The following GLIS3 variants were observed in gnomAD, a reference collection of about 807,000 sequenced individuals.
GLIS3 encodes GLIS family zinc finger 3.
In GLIS3, 53 loss-of-function variants were observed where a neutral mutation model predicts 78.6. The ratio of observed to expected loss-of-function variants is 0.67; its 90% CI spans 0.54 to 0.85. The LOEUF is 0.85. Among genes scored for constraint, GLIS3 ranks in the 40% least tolerant of loss-of-function variants. GLIS3 has a pLI of 0.00. For synonymous variants in GLIS3, 684 were observed against 509.9 expected (o/e 1.34, Z -4.60); for missense variants, 1,703 against 1,231.1 (o/e 1.38, Z -5.74).
intron 2 of GLIS3, among the ~76,000 whole-genome samples, chr9:4,253,303 AC>A (rs1824574366): frequency 6.6e-6 from 1 of 152,162 alleles, no homozygotes; most frequent in African/African-American, 2.4e-5. Flanking sequence ...CTTTAGAGAT[AC>A]CCAGAGAGGG....
chr9:4,235,149 A>T, intron 2 of GLIS3, among the ~76,000 whole-genome samples: 1 of 152,060 alleles, frequency 6.6e-6, no homozygotes, highest in East Asian at 1.9e-4. Context: ...ATTTAAAAAA[A>T]ATCGCTGGGC....
At chr9:4,009,255 C>T (rs993786739) in intron 4 of GLIS3, among the ~76,000 whole-genome samples, 2 of 152,132 alleles carry the variant, frequency 1.3e-5, no homozygotes, top group Non-Finnish European at 2.9e-5. Flanking sequence ...TCGCACAGCC[C>T]GTGTGCAAAG....
At chr9:4,286,751 C>T (rs143204443) in intron 1 of GLIS3, among the ~76,000 whole-genome samples, 7 of 152,306 alleles carry the variant, frequency 4.6e-5, no homozygotes, top group African/African-American at 1.7e-4. Flanking sequence ...TTGTTTGCCA[C>T]TGAGCCCTTC....
intron 2 of GLIS3, among the ~76,000 whole-genome samples, chr9:4,264,265 T>C (rs771400708): frequency 7.9e-5 from 12 of 152,152 alleles, no homozygotes; most frequent in South Asian, 2.1e-4. Context: ...GCAAGTCCCA[T>C]TGGCTCTACC....
At chr9:4,209,524 C>T (rs773532643) in intron 2 of GLIS3, among the ~76,000 whole-genome samples, 20 of 152,176 alleles carry the variant, frequency 1.3e-4, no homozygotes, top group Non-Finnish European at 2.4e-4. Context: ...ACTTCACCAG[C>T]AACAAGTCTG....
At chr9:3,993,674 A>G (rs1355775685) in intron 4 of GLIS3, among the ~76,000 whole-genome samples, 1 of 152,208 alleles carries the variant, frequency 6.6e-6, no homozygotes, top group Non-Finnish European at 1.5e-5. Context: ...ACATTCATTT[A>G]AACATTCTAT....
chr9:4,265,706 G>A (rs1296114948), intron 2 of GLIS3, among the ~76,000 whole-genome samples: 1 of 152,156 alleles, frequency 6.6e-6, no homozygotes, highest in Non-Finnish European at 1.5e-5. Flanking sequence ...TGCACACAGA[G>A]ACCAAGTGTC....
In GLIS3 at chr9:4,175,737, A is replaced by G. The variant is rs190587855; in HGVS notation, c.389-49796T>C. ...CCACCATAACGCTGGGAGAAGGCCC[A>G]GAGGAAGTGAAGCAATGTAACAAAC... On this transcript the variant is annotated intron_variant, in intron 2 of 10. Transcript: ENST00000381971. 9.2e-5 allele frequency among the ~76,000 whole-genome samples: 14 copies of G among 152,326 alleles called. No individual in the cohort carries two copies. In the East Asian group the frequency reaches 2.5e-3, roughly 27 times the overall value.
At chr9:4,222,515 T>C (rs1178263971) in intron 2 of GLIS3, among the ~76,000 whole-genome samples, 1 of 152,152 alleles carries the variant, frequency 6.6e-6, no homozygotes, top group African/African-American at 2.4e-5. Flanking sequence ...CCACCTACAA[T>C]AAACATAAAT....
At chr9:4,433,302 C>G in the GLIS3 span, among the ~76,000 whole-genome samples, 1 of 152,072 alleles carries the variant, frequency 6.6e-6, no homozygotes, top group Non-Finnish European at 1.5e-5. Flanking sequence ...CATAGTGGTA[C>G]ACACCTGTAG....
chr9:3,987,019 G>T (rs1030032016), intron 4 of GLIS3, among the ~76,000 whole-genome samples: 4 of 152,186 alleles, frequency 2.6e-5, no homozygotes, highest in Admixed American at 1.3e-4. Context: ...ATCTTGAAAT[G>T]ATCTGAAAAG....
the GLIS3 span, among the ~76,000 whole-genome samples, chr9:4,406,335 CAG>C: frequency 6.6e-6 from 1 of 152,134 alleles, no homozygotes; most frequent in Non-Finnish European, 1.5e-5. Flanking sequence ...TTTCTTGAGA[CAG>C]AGTTTTGCTC....
chr9:4,428,415 G>C, the GLIS3 span, among the ~76,000 whole-genome samples: 3 of 142,850 alleles, frequency 2.1e-5, no homozygotes, highest in African/African-American at 7.8e-5. Context: ...GGAGGCAGAG[G>C]TTACAGTGAG....
intron 2 of GLIS3, among the ~76,000 whole-genome samples, chr9:4,315,149 C>A (rs979417786): frequency 2.0e-5 from 3 of 152,196 alleles, no homozygotes; most frequent in African/African-American, 7.2e-5. Flanking sequence ...AATTTTGGAT[C>A]TCAGTTAATT....
upstream of GLIS3, chr9:4,348,393 A>G (rs1384358290): frequency 6.6e-6 from 1 of 152,220 alleles, no homozygotes; most frequent in Non-Finnish European, 1.5e-5. Context: ...CATCACCTCC[A>G]CATCCCATGC....
At chr9:4,181,519 A>T (rs1817322720) in intron 2 of GLIS3, among the ~76,000 whole-genome samples, 1 of 152,264 alleles carries the variant, frequency 6.6e-6, no homozygotes, top group South Asian at 2.1e-4. Context: ...TTGCTTGACC[A>T]TCATCATCAC....
At chr9:4,205,409 G>C (rs1006844566) in intron 2 of GLIS3, among the ~76,000 whole-genome samples, 1 of 152,186 alleles carries the variant, frequency 6.6e-6, no homozygotes, top group Admixed American at 6.5e-5. Flanking sequence ...TTCAGGGATA[G>C]GCAGGACCTG....
chr9:3,938,983 G>C (rs1404508936), intron 4 of GLIS3, among the ~76,000 whole-genome samples: 1 of 152,190 alleles, frequency 6.6e-6, no homozygotes. Context: ...GAAAACTCTT[G>C]GAGCTCAGTT....
the GLIS3 span, among the ~76,000 whole-genome samples, chr9:4,361,325 G>T: frequency 1.3e-5 from 2 of 152,218 alleles, no homozygotes; most frequent in African/African-American, 4.8e-5. Context: ...AAAGGTCCCT[G>T]TGAGATTGGC....
Sources: gnomAD v4.1 joint callset for allele counts (sites outside exome capture counted in the v4.1 genomes callset) on GRCh38, gnomAD v4.1.1 for gene constraint, MANE v1.5 for transcripts, NCBI Gene and HGNC (gene_info 2026-07-23, HGNC 2026-07-21) for gene names.